LSM3: variants seen among roughly 807,000 people sequenced by gnomAD.
LSM3 encodes LSM3 homolog, U6 small nuclear RNA and mRNA degradation associated, also known as U6 snRNA-associated Sm-like protein LSm3.
Under a neutral mutation model 15.4 loss-of-function variants are expected in LSM3, and 14 were observed. The observed-to-expected ratio is 0.91, with a 90% CI of 0.60 to 1.42. The LOEUF (loss-of-function observed/expected upper bound fraction) is 1.42, where lower values mean the gene tolerates loss of function less well. Among genes scored for constraint, LSM3 ranks in the 40% most tolerant of loss-of-function variants. The pLI, the probability that LSM3 is intolerant of heterozygous loss-of-function variation, is 0.00. For missense variants in LSM3, 88 were observed against 127.9 expected (o/e 0.69, Z 1.50); for synonymous variants, 46 against 45.1 (o/e 1.02, Z -0.08).
chr3:14,178,924 C>G, intron 1 of LSM3, 43 bp downstream of exon 1: 3 of 1,610,594 alleles, frequency 1.9e-6, no homozygotes, highest in Non-Finnish European at 2.5e-6. Context: ...GCTTCTTGTA[C>G]TAGGCTGCTT....
Position 14,184,029 on chromosome 3 carries a change from T to C in LSM3, c.225T>C (p.Tyr75=), listed in dbSNP as rs201562862. 8 of 1,604,714 alleles carry C rather than the reference T, an allele frequency of 5.0e-6. No individual in the cohort carries two copies. Among genetic ancestry groups the C allele is most frequent in the Non-Finnish European group, 6.8e-6 (8 of 1,177,372 alleles). The change falls in exon 3 of 4, where the codon TAT becomes TAC. Residue 75 remains tyrosine (Y), a synonymous_variant. Transcript: ENST00000306024. ...EIDEETYEEI[Y]KSTKRNIPML... ...ATGAAGAAACATATGAAGAGATATATAAAGTAAGTCATGCAATTCTATTCA... is the reference window on the plus strand; with the variant it reads ...ATGAAGAAACATATGAAGAGATATACAAAGTAAGTCATGCAATTCTATTCA...
At position 14,190,127 on chromosome 3, in the gene LSM3, T is replaced by TGA. The variant is rs543697854; in HGVS notation, c.228+6097_228+6098dup. On this transcript the variant is annotated intron_variant, in intron 3 of 3. Transcript: ENST00000306024. ...GGTTGTGGCTGTGTGGTGTTATTTC[T>TGA]GAGGCCTCCATTTTGTTCCATTGGT... Among the ~76,000 whole-genome samples the TGA allele has an allele frequency of 3.1e-4, 47 of 152,336 alleles. No homozygotes were observed. In the East Asian group the frequency reaches 8.7e-3, roughly 28 times the overall value.
intron 1 of LSM3, among the ~76,000 whole-genome samples, chr3:14,179,211 A>G (rs886805113): frequency 1.3e-5 from 2 of 152,198 alleles, no homozygotes; most frequent in African/African-American, 4.8e-5. Context: ...GAGCGCAACA[A>G]TTATTTATTC....
At chr3:14,180,445 C>A (rs988886234) in intron 1 of LSM3, among the ~76,000 whole-genome samples, 3 of 151,966 alleles carry the variant, frequency 2.0e-5, no homozygotes, top group Non-Finnish European at 4.4e-5. Context: ...CGTGCCGCCA[C>A]ACCTGGCTAA....
At chr3:14,185,893 A>C (rs1697084073) in intron 3 of LSM3, among the ~76,000 whole-genome samples, 1 of 151,512 alleles carries the variant, frequency 6.6e-6, no homozygotes, top group South Asian at 2.1e-4. Context: ...TTTATTAGTT[A>C]TCACCAGTGA....
At chr3:14,190,864 C>A (rs111576756) in intron 3 of LSM3, among the ~76,000 whole-genome samples, 1 of 152,016 alleles carries the variant, frequency 6.6e-6, no homozygotes, top group Non-Finnish European at 1.5e-5. Flanking sequence ...TGTCTTGTGC[C>A]GGTTTTCAGA....
At chr3:14,197,997 C>T in intron 3 of LSM3, 39 bp from the exon 4 acceptor site, 1 of 1,493,250 alleles carries the variant, frequency 6.7e-7, no homozygotes, top group Non-Finnish European at 9.3e-7. Context: ...CAGTAATACA[C>T]AGTTGTACAA....
At chr3:14,190,565 G>A (rs1301100710) in intron 3 of LSM3, among the ~76,000 whole-genome samples, 2 of 152,164 alleles carry the variant, frequency 1.3e-5, no homozygotes, top group Non-Finnish European at 2.9e-5. Context: ...AATTGTGAAT[G>A]GGAGTTCACT....
At chr3:14,186,680 A>G (rs1424701844) in intron 3 of LSM3, among the ~76,000 whole-genome samples, 2 of 151,968 alleles carry the variant, frequency 1.3e-5, no homozygotes, top group African/African-American at 4.8e-5. Flanking sequence ...TAAAATCTGC[A>G]TTTTTTCCCC....
intron 3 of LSM3, among the ~76,000 whole-genome samples, chr3:14,186,313 C>T (rs1697089029): frequency 6.6e-6 from 1 of 152,256 alleles, no homozygotes; most frequent in African/African-American, 2.4e-5. Flanking sequence ...TTGCTTACCA[C>T]CTTTTTAATT....
intron 3 of LSM3, among the ~76,000 whole-genome samples, chr3:14,185,371 CA>C (rs138222355): frequency 2.7e-5 from 4 of 150,458 alleles, no homozygotes; most frequent in East Asian, 1.9e-4. Context: ...CAAAACAAAA[CA>C]AAAAAAAACC....
chr3:14,185,938 C>T (rs1468560696), intron 3 of LSM3, among the ~76,000 whole-genome samples: 1 of 150,700 alleles, frequency 6.6e-6, no homozygotes, highest in Non-Finnish European at 1.5e-5. Context: ...TTTTTAAAGA[C>T]AGTCTGACTG....
chr3:14,195,886 C>G (rs1697182919), intron 3 of LSM3, among the ~76,000 whole-genome samples: 1 of 151,818 alleles, frequency 6.6e-6, no homozygotes. Context: ...CACTGCCCAG[C>G]TGGCATGTGC....
At chr3:14,180,821 CTTTTTTTTTTTTTTTTTTT>C (rs1164090236) in intron 1 of LSM3, among the ~76,000 whole-genome samples, 30 of 46,772 alleles carry the variant, frequency 6.4e-4, no homozygotes, top group Admixed American at 4.9e-3. Flanking sequence ...GCTTGCTTGC[CTTTTTTTTTTTTTTTTTTT>C]TTTTTTTTTT....
chr3:14,194,550 A>G (rs981205058), intron 3 of LSM3, among the ~76,000 whole-genome samples: 1 of 152,116 alleles, frequency 6.6e-6, no homozygotes, highest in African/African-American at 2.4e-5. Context: ...AATACCTGAC[A>G]CATAATGGGC....
intron 3 of LSM3, among the ~76,000 whole-genome samples, chr3:14,196,724 T>C (rs1339649699): frequency 6.6e-6 from 1 of 152,200 alleles, no homozygotes; most frequent in Admixed American, 6.5e-5. Context: ...ATTTGCAAAA[T>C]CTGGCAACCC....
Position 14,200,274 on chromosome 3 carries a change from T to C in LSM3, c.*2158T>C, listed in dbSNP as rs1262046142. On this transcript the variant is annotated 3_prime_UTR_variant, in exon 4 of 4. Transcript: ENST00000306024. ...GAATAGCCACCTATGTGTCAGGAAA[T>C]GGAGGGAGGGGAGGCAATGTGTGAG... 1 of 151,940 alleles carries C rather than the reference T, an allele frequency of 6.6e-6. No homozygotes were observed. The highest frequency in any genetic ancestry group is 1.5e-5 in the Non-Finnish European group (1 of 68,004). The allele number at this position is 151,940 out of a possible 1,614,324, so 9.4% of individuals were successfully genotyped here. A position where few individuals can be genotyped will look rare whatever the true frequency, so the allele number is the denominator to read the frequency against.
In LSM3 at chr3:14,198,385, ATACT is replaced by A. The variant is rs1697205172; in HGVS notation, c.*274_*277del. On this transcript the variant is annotated 3_prime_UTR_variant, in exon 4 of 4. Coordinates refer to ENST00000306024, the MANE Select transcript of LSM3 (RefSeq NM_014463.3). ...TTCTTTTGCTCCATTATTCTCACAG[ATACT>A]TACTGATTTTTCTTTTCTTTAAATT... 9.4e-6 allele frequency: 4 copies of A among 423,984 alleles called. No individual in the cohort carries two copies. The highest frequency in any genetic ancestry group is 1.3e-5 in the Non-Finnish European group (3 of 239,418). 26.3% of individuals were successfully genotyped at this position (423,984 alleles called of 1,614,324 possible).
intron 2 of LSM3, among the ~76,000 whole-genome samples, chr3:14,181,971 T>G (rs888677916): frequency 2.0e-4 from 30 of 152,222 alleles, no homozygotes; most frequent in African/African-American, 5.5e-4. Flanking sequence ...AACACAAATA[T>G]GTGTTTTATT....
Sources: allele counts gnomAD v4.1 joint callset (sites outside exome capture counted in the v4.1 genomes callset), GRCh38; gene constraint gnomAD v4.1.1; transcripts MANE v1.5; gene names NCBI Gene and HGNC (gene_info 2026-07-23, HGNC 2026-07-21).